The following ZFHX3 variants were observed in gnomAD, a reference collection of about 807,000 sequenced individuals.
ZFHX3 encodes the protein zinc finger homeobox protein 3.
In ZFHX3, 42 loss-of-function variants were observed where a neutral mutation model predicts 279.1. That is an observed-to-expected ratio of 0.15 (90% CI 0.12 to 0.19). The LOEUF (loss-of-function observed/expected upper bound fraction) is 0.19, where lower values mean the gene tolerates loss of function less well. Ranked by LOEUF, ZFHX3 falls within the 10% of genes least tolerant of loss-of-function variation. ZFHX3 has a pLI of 1.00. For synonymous variants in ZFHX3, 2,293 were observed against 1,957.8 expected (o/e 1.17, Z -4.52); for missense variants, 4,981 against 4,754.0 (o/e 1.05, Z -1.40).
intron 2 of ZFHX3, among the ~76,000 whole-genome samples, chr16:73,516,521 C>A (rs1263834333): frequency 6.6e-6 from 1 of 152,126 alleles, no homozygotes; most frequent in Admixed American, 6.5e-5. Flanking sequence ...TTAGAAGCTT[C>A]CAGTATCGCC....
At chr16:73,850,842 A>T (rs1297729015) in intron 1 of ZFHX3, among the ~76,000 whole-genome samples, 1 of 152,140 alleles carries the variant, frequency 6.6e-6, no homozygotes, top group Non-Finnish European at 1.5e-5. Flanking sequence ...AAGGGTACCT[A>T]ACCAGTAAAA....
chr16:73,416,986 C>T (rs1252065336), intron 3 of ZFHX3, among the ~76,000 whole-genome samples: 2 of 151,980 alleles, frequency 1.3e-5, no homozygotes, highest in Admixed American at 6.6e-5. Context: ...GGCATGAAAA[C>T]CTGGCAGATA....
chr16:73,561,411 G>C (rs2020367316), intron 2 of ZFHX3, among the ~76,000 whole-genome samples: 1 of 152,162 alleles, frequency 6.6e-6, no homozygotes, highest in African/African-American at 2.4e-5. Context: ...TTTCTAAGTA[G>C]AAGGCCTTAG....
intron 3 of ZFHX3, among the ~76,000 whole-genome samples, chr16:72,936,829 T>C (rs1960149256): frequency 1.3e-5 from 2 of 151,814 alleles, no homozygotes; most frequent in Non-Finnish European, 2.9e-5. Context: ...CTTCGTAAAA[T>C]CCCTGTATGG....
At chr16:73,104,904 T>C (rs1966276853) in intron 7 of ZFHX3, among the ~76,000 whole-genome samples, 1 of 152,096 alleles carries the variant, frequency 6.6e-6, no homozygotes, top group Non-Finnish European at 1.5e-5. Context: ...CCCAAGTCTG[T>C]CCCTCACTTG....
chr16:73,082,176 C>T (rs759125969), intron 8 of ZFHX3, among the ~76,000 whole-genome samples: 6 of 151,986 alleles, frequency 3.9e-5, no homozygotes, highest in Non-Finnish European at 7.4e-5. Flanking sequence ...TAAGGAGCTC[C>T]TGAACTCTGA....
intron 1 of ZFHX3, among the ~76,000 whole-genome samples, chr16:73,714,056 G>T (rs1479596882): frequency 6.6e-6 from 1 of 152,028 alleles, no homozygotes; most frequent in Non-Finnish European, 1.5e-5. Flanking sequence ...GCGGCACACT[G>T]GGCTGCCAGA....
chr16:72,812,024 C>T lies in ZFHX3; in HGVS notation c.3544G>A (p.Ala1182Thr), dbSNP rs773660497. The T allele has an allele frequency of 1.9e-6, 3 of 1,614,068 alleles. No individual in the cohort carries two copies. Among genetic ancestry groups the T allele is most frequent in the Admixed American group, 3.3e-5 (2 of 60,016 alleles). ...GGAGAATCTGTCAGCTCCTTCTCTG[C>T]TTGGCTGGACGATGCTAAAAGAGAA... ...DQEGGASSSQ[A>T]EKELTDSPAT... The change falls in exon 6 of 10, where the codon GCA becomes ACA. Residue 1182 changes from alanine to threonine, a missense_variant. Physicochemically the swap from Ala to Thr is moderately conservative, Grantham distance 58. This residue lies in a region of ZFHX3 where 1,751 missense variants were observed against 1,770.0 expected (regional missense o/e 0.99). Transcript: ENST00000268489.
At chr16:73,304,303 G>A (rs2015128731) in intron 4 of ZFHX3, among the ~76,000 whole-genome samples, 1 of 152,214 alleles carries the variant, frequency 6.6e-6, no homozygotes, top group African/African-American at 2.4e-5. Context: ...TGGGAAAAGA[G>A]CCCTTCCTCT....
At chr16:73,260,920 G>A in intron 4 of ZFHX3, among the ~76,000 whole-genome samples, 1 of 152,026 alleles carries the variant, frequency 6.6e-6, no homozygotes, top group East Asian at 1.9e-4. Context: ...CTGACCTCAG[G>A]TGATCCACCT....
intron 1 of ZFHX3, among the ~76,000 whole-genome samples, chr16:73,715,993 G>T (rs117783636): frequency 1.3e-5 from 2 of 151,996 alleles, no homozygotes; most frequent in African/African-American, 4.8e-5. Context: ...TGCATTCCAG[G>T]TGCTCCATTT....
At chr16:73,831,516 C>T (rs1346496853) in intron 1 of ZFHX3, among the ~76,000 whole-genome samples, 3 of 152,316 alleles carry the variant, frequency 2.0e-5, no homozygotes, top group East Asian at 1.9e-4. Context: ...TTCATCTACA[C>T]GACGCCTATT....
At chr16:73,321,654 C>T (rs961416385) in intron 3 of ZFHX3, among the ~76,000 whole-genome samples, 1 of 152,220 alleles carries the variant, frequency 6.6e-6, no homozygotes, top group Non-Finnish European at 1.5e-5. Flanking sequence ...TATTCCAGAA[C>T]CTTCTTCTCT....
intron 3 of ZFHX3, among the ~76,000 whole-genome samples, chr16:72,901,736 G>A (rs2039041804): frequency 6.6e-6 from 1 of 152,222 alleles, no homozygotes; most frequent in Non-Finnish European, 1.5e-5. Flanking sequence ...TTTGAGGAAG[G>A]ACAGAAGAGT....
chr16:72,864,114 T>C (rs2037955134), intron 4 of ZFHX3, among the ~76,000 whole-genome samples: 1 of 151,630 alleles, frequency 6.6e-6, no homozygotes, highest in African/African-American at 2.4e-5. Flanking sequence ...CAAGACTCCA[T>C]CTCGAAAAAA....
At chr16:73,205,141 CTT>C (rs1351699868) in intron 5 of ZFHX3, among the ~76,000 whole-genome samples, 3 of 152,136 alleles carry the variant, frequency 2.0e-5, no homozygotes, top group African/African-American at 7.2e-5. Flanking sequence ...GGACCATACT[CTT>C]GAGTGAAGGG....
At chr16:73,055,322 C>T (rs1316897630) in intron 1 of ZFHX3, among the ~76,000 whole-genome samples, 1 of 151,930 alleles carries the variant, frequency 6.6e-6, no homozygotes, top group African/African-American at 2.4e-5. Flanking sequence ...TGCTGGGAGC[C>T]TATGTCTATG....
chr16:73,262,782 G>A (rs1357431999), intron 4 of ZFHX3, among the ~76,000 whole-genome samples: 1 of 152,136 alleles, frequency 6.6e-6, no homozygotes. Context: ...GGGTCTTTGA[G>A]TTTCCTTCTG....
intron 2 of ZFHX3, 88 bp downstream of exon 2, chr16:72,957,339 T>C (rs780941120): frequency 1.8e-5 from 26 of 1,463,294 alleles, no homozygotes; most frequent in Admixed American, 4.6e-5. Flanking sequence ...CAGAGTCAAC[T>C]GAATCCACAG....
Sources: gnomAD v4.1 joint callset for allele counts (sites outside exome capture counted in the v4.1 genomes callset) on GRCh38, gnomAD v4.1.1 for gene constraint, gnomAD v4.1.1 regional missense constraint, MANE v1.5 for transcripts, NCBI Gene and HGNC (gene_info 2026-07-23, HGNC 2026-07-21) for gene names.